The following SNTG1 variants were observed in gnomAD, a reference collection of about 807,000 sequenced individuals.
The protein encoded by SNTG1 is syntrophin gamma 1, also known as gamma-1-syntrophin.
Under a neutral mutation model 74.7 loss-of-function variants are expected in SNTG1, and 39 were observed. The observed-to-expected ratio is 0.52, with a 90% CI of 0.40 to 0.68. The LOEUF (loss-of-function observed/expected upper bound fraction) is 0.68. SNTG1 is among the 30% of genes least tolerant of loss of function. SNTG1 has a pLI of 0.00. For synonymous variants in SNTG1, 254 were observed against 217.1 expected (o/e 1.17, Z -1.49); for missense variants, 685 against 609.5 (o/e 1.12, Z -1.30).
At chr8:50,257,608 T>G (rs767104176) in intron 2 of SNTG1, among the ~76,000 whole-genome samples, 3 of 152,208 alleles carry the variant, frequency 2.0e-5, no homozygotes, top group Admixed American at 6.5e-5. Flanking sequence ...TGAGATTCAA[T>G]CTTTTTGAAT....
At chr8:50,337,001 G>C (rs1272178877) in intron 2 of SNTG1, among the ~76,000 whole-genome samples, 1 of 152,170 alleles carries the variant, frequency 6.6e-6, no homozygotes, top group East Asian at 1.9e-4. Context: ...AATCATTGCT[G>C]TTGCTCTTTT....
In SNTG1 at chr8:49,947,495, A is replaced by T. The variant is rs138881097; in HGVS notation, c.-103+35264A>T. Among the ~76,000 whole-genome samples, 4 of 152,304 alleles carry T rather than the reference A, an allele frequency of 2.6e-5. No homozygotes were observed. In the East Asian group the frequency reaches 7.7e-4, roughly 29 times the overall value. On this transcript the variant is annotated intron_variant, in intron 1 of 18. Coordinates refer to ENST00000642720, the MANE Select transcript of SNTG1 (RefSeq NM_018967.5). ...GAGGGCTTTTACCCCATTTCCACTG[A>T]TACACACGTACACAGTATAAATGGC...
At chr8:50,431,366 C>T (rs760957180) in intron 4 of SNTG1, among the ~76,000 whole-genome samples, 8 of 152,142 alleles carry the variant, frequency 5.3e-5, no homozygotes, top group African/African-American at 1.7e-4. Flanking sequence ...TGTCTTTTTG[C>T]AGCTTGATTG....
At chr8:50,242,605 G>A (rs2086215762) in intron 2 of SNTG1, among the ~76,000 whole-genome samples, 1 of 150,106 alleles carries the variant, frequency 6.7e-6, no homozygotes, top group Non-Finnish European at 1.5e-5. Context: ...GTATATTGAT[G>A]TGAAGCCCCC....
At chr8:50,533,793 C>T (rs2094288009) in intron 10 of SNTG1, among the ~76,000 whole-genome samples, 2 of 152,172 alleles carry the variant, frequency 1.3e-5, no homozygotes, top group Non-Finnish European at 2.9e-5. Flanking sequence ...ACCTTTGGTA[C>T]ATACAGGCAT....
At chr8:50,665,711 T>C (rs2095247674) in intron 15 of SNTG1, among the ~76,000 whole-genome samples, 1 of 152,114 alleles carries the variant, frequency 6.6e-6, no homozygotes. Context: ...CAAGAGCATC[T>C]ATTGGGCAAA....
intron 2 of SNTG1, among the ~76,000 whole-genome samples, chr8:50,317,412 TAC>T (rs1408215267): frequency 6.6e-6 from 1 of 151,368 alleles, no homozygotes; most frequent in Non-Finnish European, 1.5e-5. Flanking sequence ...AAAGTTAACT[TAC>T]AGAGTTCTAC....
intron 2 of SNTG1, among the ~76,000 whole-genome samples, chr8:50,189,797 AT>A: frequency 6.6e-6 from 1 of 152,330 alleles, no homozygotes; most frequent in South Asian, 2.1e-4. Context: ...TAGGCATAAA[AT>A]ATAGTGTTTT....
chr8:50,064,475 C>T (rs775545559), intron 1 of SNTG1, among the ~76,000 whole-genome samples: 91 of 152,198 alleles, frequency 6.0e-4, no homozygotes, highest in Non-Finnish European at 1.1e-3. Flanking sequence ...TTCCCGTTTG[C>T]ACTTTTTACC....
intron 9 of SNTG1, among the ~76,000 whole-genome samples, chr8:50,507,049 A>C (rs2094012639): frequency 6.6e-6 from 1 of 152,042 alleles, no homozygotes. Context: ...AATTTGGCAA[A>C]TGCTTTTTTC....
At position 50,590,929 on chromosome 8, in the gene SNTG1, G is replaced by A. The variant is rs756259699; in HGVS notation, c.849+12G>A. The A allele has an allele frequency of 1.4e-5, 21 of 1,546,062 alleles. No individual in the cohort carries two copies. Among genetic ancestry groups the A allele is most frequent in the Non-Finnish European group, 1.7e-5 (19 of 1,141,632 alleles). On this transcript the variant is annotated intron_variant, in intron 13 of 18. Coordinates refer to ENST00000642720, the MANE Select transcript of SNTG1 (RefSeq NM_018967.5). ...CTGTAAACCAGCAGGTAAGATCAAA[G>A]CATACTTGGAAAGCTAAATAATATA...
chr8:50,743,064 C>CAAACATTA (rs1563800338), intron 17 of SNTG1, among the ~76,000 whole-genome samples: 3 of 141,302 alleles, frequency 2.1e-5, no homozygotes. Flanking sequence ...TGAATTTTAC[C>CAAACATTA]AAACATTAAA....
chr8:50,762,209 T>A (rs532700938), intron 18 of SNTG1, among the ~76,000 whole-genome samples: 1 of 152,120 alleles, frequency 6.6e-6, no homozygotes, highest in South Asian at 2.1e-4. Context: ...GTACTCAGCG[T>A]CTTTGTGAAA....
In SNTG1 at chr8:49,952,611, T is replaced by C. The variant is rs142731878; in HGVS notation, c.-103+40380T>C. ...GTAATCCACCCATTATTGCTACTGTTATTGTTGTTCTTATCAACAGCCACC... is the reference window on the plus strand; with the variant it reads ...GTAATCCACCCATTATTGCTACTGTCATTGTTGTTCTTATCAACAGCCACC... On this transcript the variant is annotated intron_variant, in intron 1 of 18. Transcript: ENST00000642720. 1.2e-3 allele frequency among the ~76,000 whole-genome samples: 187 copies of C among 152,324 alleles called. 2 individuals carry two copies. Among genetic ancestry groups the C allele is most frequent in the Middle Eastern group, 0.01 (3 of 294 alleles).
intron 2 of SNTG1, among the ~76,000 whole-genome samples, chr8:50,220,000 T>C (rs2084982999): frequency 6.6e-6 from 1 of 152,114 alleles, no homozygotes; most frequent in Admixed American, 6.6e-5. Flanking sequence ...CATAGTAACA[T>C]AACTTTAAAA....
intron 12 of SNTG1, among the ~76,000 whole-genome samples, chr8:50,569,836 A>G (rs965783101): frequency 6.6e-6 from 1 of 152,142 alleles, no homozygotes; most frequent in Non-Finnish European, 1.5e-5. Context: ...TTTATCCACC[A>G]AAATGTGAAT....
chr8:50,026,752 C>T (rs1817297598), intron 1 of SNTG1, among the ~76,000 whole-genome samples: 1 of 151,940 alleles, frequency 6.6e-6, no homozygotes, highest in Admixed American at 6.6e-5. Context: ...TTGAAAGGAA[C>T]AAATTTTAAA....
intron 2 of SNTG1, among the ~76,000 whole-genome samples, chr8:50,216,126 T>C (rs2084779703): frequency 6.6e-6 from 1 of 152,132 alleles, no homozygotes; most frequent in African/African-American, 2.4e-5. Context: ...CTGTTTTCAA[T>C]GGGTCAGCTG....
intron 2 of SNTG1, among the ~76,000 whole-genome samples, chr8:50,247,027 A>C (rs1182251987): frequency 6.6e-6 from 1 of 152,150 alleles, no homozygotes; most frequent in East Asian, 1.9e-4. Context: ...CTTGTCACCC[A>C]CTGAATGGAA....
Sources: allele counts gnomAD v4.1 joint callset (sites outside exome capture counted in the v4.1 genomes callset), GRCh38; gene constraint gnomAD v4.1.1; transcripts MANE v1.5; gene names NCBI Gene and HGNC (gene_info 2026-07-23, HGNC 2026-07-21).